Variants in EPHA7 observed in about 807,000 individuals in gnomAD.
The protein encoded by EPHA7 is ephrin type-A receptor 7.
A neutral mutation model predicts 112.6 loss-of-function variants in EPHA7; 25 were observed. That is an observed-to-expected ratio of 0.22 (90% CI 0.16 to 0.31). The LOEUF (loss-of-function observed/expected upper bound fraction) is 0.31. Ranked by LOEUF, EPHA7 falls within the 10% of genes least tolerant of loss-of-function variation. The pLI, the probability that EPHA7 is intolerant of heterozygous loss-of-function variation, is 1.00. For missense variants in EPHA7, 962 were observed against 1,212.6 expected (o/e 0.79, Z 3.07); for synonymous variants, 437 against 406.5 (o/e 1.07, Z -0.90).
rs765994473 is a variant in EPHA7, at chr6:93,410,772, C to T, written c.561G>A (p.Gln187=). The change falls in exon 3 of 17, where the codon CAG becomes CAA. Residue 187 remains glutamine (Q), a synonymous_variant. Coordinates refer to ENST00000369303, the MANE Select transcript of EPHA7 (RefSeq NM_004440.4). The surrounding 1 kb of genome is among the most constrained non-coding windows in gnomAD (Gnocchi z 4.0). ...LSKKGFYLAF[Q]DVGACIALVS... ...CCAAAGCTATGCAAGCCCCTACATC[C>T]TGAAAGGCAAGATAGAATCCCTTTT... 1.9e-5 allele frequency: 30 copies of T among 1,613,994 alleles called. No homozygotes were observed. Among genetic ancestry groups the T allele is most frequent in the Non-Finnish European group, 2.5e-5 (29 of 1,179,982 alleles).
At chr6:93,418,496 C>T (rs1779355128) in intron 1 of EPHA7, among the ~76,000 whole-genome samples, 1 of 152,218 alleles carries the variant, frequency 6.6e-6, no homozygotes, top group African/African-American at 2.4e-5. Flanking sequence ...TTGCACAGCT[C>T]CAGCCCGCCC....
chr6:93,283,154 GT>G (rs1407021642), intron 5 of EPHA7, among the ~76,000 whole-genome samples: 1 of 152,150 alleles, frequency 6.6e-6, no homozygotes, highest in Non-Finnish European at 1.5e-5. Flanking sequence ...CTAGCTCAAG[GT>G]TTGTAAATAC....
At chr6:93,305,658 G>T (rs1408072542) in intron 5 of EPHA7, among the ~76,000 whole-genome samples, 2 of 151,910 alleles carry the variant, frequency 1.3e-5, no homozygotes, top group African/African-American at 4.8e-5. Flanking sequence ...ACATATTGAG[G>T]TTACTGTGAA....
intron 5 of EPHA7, 92 bp downstream of exon 5, chr6:93,356,625 T>C (rs1455531506): frequency 4.2e-6 from 5 of 1,182,184 alleles, no homozygotes; most frequent in Non-Finnish European, 6.0e-6. Flanking sequence ...AGAATCAAGC[T>C]CTGTGCAGAG....
intron 5 of EPHA7, among the ~76,000 whole-genome samples, chr6:93,336,657 T>C (rs1430654310): frequency 1.3e-5 from 2 of 152,012 alleles, no homozygotes; most frequent in Non-Finnish European, 2.9e-5. Context: ...CGCCTTGGCC[T>C]CCCAAAGTGC....
chr6:93,247,667 C>T (rs1410256035), intron 14 of EPHA7, among the ~76,000 whole-genome samples: 1 of 132,760 alleles, frequency 7.5e-6, no homozygotes, highest in East Asian at 1.9e-4. Context: ...AGGGCTTTCC[C>T]AGAGAGCTGG....
chr6:93,367,510 A>G (rs1054890599), intron 3 of EPHA7, among the ~76,000 whole-genome samples: 1 of 152,154 alleles, frequency 6.6e-6, no homozygotes, highest in Non-Finnish European at 1.5e-5. Flanking sequence ...GATAAAATTC[A>G]TATTTTGAAT....
intron 5 of EPHA7, among the ~76,000 whole-genome samples, chr6:93,322,804 G>C (rs1169110736): frequency 6.6e-6 from 1 of 151,526 alleles, no homozygotes; most frequent in Admixed American, 6.6e-5. Context: ...GTCACCTACA[G>C]ATACTTTTAC....
At chr6:93,324,824 T>C (rs1774237463) in intron 5 of EPHA7, among the ~76,000 whole-genome samples, 1 of 151,488 alleles carries the variant, frequency 6.6e-6, no homozygotes, top group Admixed American at 6.6e-5. Flanking sequence ...ATCAAGGCCT[T>C]GGCCAGGAAG....
At chr6:93,259,235 G>T in intron 10 of EPHA7, 119 bp downstream of exon 10, 1 of 1,272,050 alleles carries the variant, frequency 7.9e-7, no homozygotes, top group Non-Finnish European at 1.1e-6. Context: ...GCTTCCAACA[G>T]TTCAGGTAAA....
intron 15 of EPHA7, among the ~76,000 whole-genome samples, 175 bp from the exon 16 acceptor site, chr6:93,245,628 C>G (rs1315598422): frequency 6.6e-6 from 1 of 152,150 alleles, no homozygotes; most frequent in Non-Finnish European, 1.5e-5. Context: ...AGGCCAGTAA[C>G]TACAAACTCC....
At chr6:93,266,766 T>G (rs1326540705) in intron 7 of EPHA7, among the ~76,000 whole-genome samples, 1 of 151,674 alleles carries the variant, frequency 6.6e-6, no homozygotes, top group Non-Finnish European at 1.5e-5. Flanking sequence ...GACCATGCAT[T>G]CCACCACTGC....
Position 93,264,662 on chromosome 6 carries a change from A to G in EPHA7, c.1674T>C (p.Ile558=). 1 of 1,607,508 alleles carries G rather than the reference A, an allele frequency of 6.2e-7. No homozygotes were observed. Among genetic ancestry groups the G allele is most frequent in the Non-Finnish European group, 8.5e-7 (1 of 1,175,848 alleles). The part of the protein sequence containing the change: ...VSSEQNPVII[I]AVVAVAGTII... Reference sequence around the variant, plus strand: ...TGGTCCCAGCTACAGCAACCACAGCAATGATAATAACAGGATTCTGTTCAC... The same window carrying G: ...TGGTCCCAGCTACAGCAACCACAGCGATGATAATAACAGGATTCTGTTCAC... The change falls in exon 8 of 17, where the codon ATT becomes ATC. Residue 558 remains isoleucine, a synonymous_variant. Transcript: ENST00000369303.
intron 3 of EPHA7, among the ~76,000 whole-genome samples, chr6:93,372,249 C>T (rs1776837219): frequency 6.6e-6 from 1 of 152,036 alleles, no homozygotes; most frequent in Non-Finnish European, 1.5e-5. Context: ...TTCCTTTATG[C>T]TTTCATTTCA....
intron 5 of EPHA7, among the ~76,000 whole-genome samples, chr6:93,350,002 A>G (rs1775610792): frequency 6.6e-6 from 1 of 151,938 alleles, no homozygotes; most frequent in Non-Finnish European, 1.5e-5. Context: ...TTCATCTGGT[A>G]CATTATATAA....
At chr6:93,271,219 G>A (rs1189570792) in intron 6 of EPHA7, among the ~76,000 whole-genome samples, 3 of 151,508 alleles carry the variant, frequency 2.0e-5, no homozygotes, top group African/African-American at 7.3e-5. Flanking sequence ...TAAGTAACAA[G>A]CAAAAATATT....
chr6:93,288,217 T>C (rs909552241), intron 5 of EPHA7, among the ~76,000 whole-genome samples: 5 of 152,092 alleles, frequency 3.3e-5, no homozygotes, highest in South Asian at 2.1e-4. Flanking sequence ...GTAGAATACA[T>C]ACAAAGAAAT....
intron 5 of EPHA7, among the ~76,000 whole-genome samples, chr6:93,347,798 T>C (rs544455439): frequency 5.9e-5 from 9 of 151,824 alleles, no homozygotes; most frequent in Admixed American, 6.6e-5. Context: ...TACAGTTACA[T>C]TGGGGGTTAG....
At chr6:93,381,705 T>C (rs971392151) in intron 3 of EPHA7, among the ~76,000 whole-genome samples, 1 of 147,414 alleles carries the variant, frequency 6.8e-6, no homozygotes, top group Non-Finnish European at 1.5e-5. Flanking sequence ...TGGAATTCTG[T>C]GACAAAGATT....
Sources: allele counts gnomAD v4.1 joint callset (sites outside exome capture counted in the v4.1 genomes callset), GRCh38; gene constraint gnomAD v4.1.1; non-coding constraint Gnocchi (gnomAD v3.1); transcripts MANE v1.5; gene names NCBI Gene and HGNC (gene_info 2026-07-23, HGNC 2026-07-21).